NAALADL2: variants seen among roughly 807,000 people sequenced by gnomAD.
NAALADL2 encodes inactive N-acetylated-alpha-linked acidic dipeptidase-like protein 2.
NAALADL2 carries 76 observed loss-of-function variants against 87.2 expected under a neutral mutation model. That is an observed-to-expected ratio of 0.87 (90% CI 0.72 to 1.05). NAALADL2 has a LOEUF of 1.05. Ranked by LOEUF, NAALADL2 falls within the 50% of genes least tolerant of loss-of-function variation. The pLI is 0.00. For missense variants in NAALADL2, 1,089 were observed against 945.8 expected (o/e 1.15, Z -1.99); for synonymous variants, 354 against 331.0 (o/e 1.07, Z -0.75).
chr3:175,722,989 G>T (rs1175969708), intron 11 of NAALADL2, among the ~76,000 whole-genome samples: 1 of 152,100 alleles, frequency 6.6e-6, no homozygotes, highest in Non-Finnish European at 1.5e-5. Flanking sequence ...ACAAACTTTG[G>T]AGAACAAAGG....
intron 2 of NAALADL2, among the ~76,000 whole-genome samples, chr3:174,576,192 TG>T (rs1315610080): frequency 6.6e-6 from 1 of 152,128 alleles, no homozygotes; most frequent in Non-Finnish European, 1.5e-5. Flanking sequence ...AAAATAGATA[TG>T]GTTCCTAAAC....
At chr3:174,741,544 T>G (rs1301270384) in intron 3 of NAALADL2, among the ~76,000 whole-genome samples, 3 of 151,740 alleles carry the variant, frequency 2.0e-5, no homozygotes, top group Non-Finnish European at 3.0e-5. Context: ...TTTAAGAATC[T>G]TCTGTCCCTC....
At chr3:174,917,298 C>A (rs1734546585) in intron 1 of NAALADL2, among the ~76,000 whole-genome samples, 1 of 152,050 alleles carries the variant, frequency 6.6e-6, no homozygotes, top group Non-Finnish European at 1.5e-5. Flanking sequence ...TGAAACAATT[C>A]AAAGACAGCA....
chr3:174,542,080 A>G (rs1244170443), intron 1 of NAALADL2, among the ~76,000 whole-genome samples: 1 of 152,172 alleles, frequency 6.6e-6, no homozygotes, highest in African/African-American at 2.4e-5. Context: ...TTCTCTAGAA[A>G]AGAAACAGCA....
intron 13 of NAALADL2, among the ~76,000 whole-genome samples, chr3:175,781,044 A>T (rs1445321528): frequency 6.6e-6 from 1 of 152,182 alleles, no homozygotes; most frequent in Non-Finnish European, 1.5e-5. Context: ...TTTACTTTGA[A>T]ATGTGTAATT....
chr3:175,265,074 A>C (rs1751696598), intron 4 of NAALADL2, among the ~76,000 whole-genome samples: 1 of 151,648 alleles, frequency 6.6e-6, no homozygotes, highest in Non-Finnish European at 1.5e-5. Flanking sequence ...ATCATATGGA[A>C]AGATTTTATC....
chr3:175,540,078 C>T (rs573362268), intron 9 of NAALADL2, among the ~76,000 whole-genome samples: 5 of 152,208 alleles, frequency 3.3e-5, no homozygotes, highest in Non-Finnish European at 7.4e-5. Flanking sequence ...TACGTGTTCC[C>T]GTAATTTTTG....
At chr3:174,615,266 T>C (rs1382824592) in intron 2 of NAALADL2, among the ~76,000 whole-genome samples, 1 of 152,214 alleles carries the variant, frequency 6.6e-6, no homozygotes, top group Non-Finnish European at 1.5e-5. Context: ...GAACTGGATC[T>C]GATCTATCCT....
At chr3:175,667,853 A>G (rs1218040311) in intron 11 of NAALADL2, among the ~76,000 whole-genome samples, 2 of 150,830 alleles carry the variant, frequency 1.3e-5, no homozygotes, top group African/African-American at 2.4e-5. Context: ...GTCTGTTTGA[A>G]TTGTTCTGTT....
At position 175,807,093 on chromosome 3, in the gene NAALADL2, TATC is replaced by T. The variant is rs1300352884; in HGVS notation, c.*3893_*3895del. On this transcript the variant is annotated 3_prime_UTR_variant, in exon 14 of 14. Coordinates refer to ENST00000454872, the MANE Select transcript of NAALADL2 (RefSeq NM_207015.3). The stretch of plus-strand genomic sequence containing the variant: ...AAAAGGCAAGTGCACCATTGTGGAA[TATC>T]ATGACGAGTAGGCTTACAAACAGTA... 4.0e-5 allele frequency: 6 copies of T among 151,802 alleles called. No homozygotes were observed. The South Asian group carries it at 8.3e-4, about 21-fold the overall frequency. 9.4% of individuals were successfully genotyped at this position (151,802 alleles called of 1,614,324 possible). A position where few individuals can be genotyped will look rare whatever the true frequency, so the allele number is the denominator to read the frequency against.
chr3:175,263,570 G>A (rs1020306846), intron 4 of NAALADL2, among the ~76,000 whole-genome samples: 1 of 151,750 alleles, frequency 6.6e-6, no homozygotes, highest in Non-Finnish European at 1.5e-5. Flanking sequence ...TGTATCAGAA[G>A]GTTGATTTTC....
chr3:175,147,332 C>T (rs1461259206), intron 2 of NAALADL2, among the ~76,000 whole-genome samples: 1 of 152,118 alleles, frequency 6.6e-6, no homozygotes, highest in African/African-American at 2.4e-5. Flanking sequence ...TAAGTGAGAA[C>T]ATGCCGTATT....
chr3:175,059,032 T>C (rs1011294588), intron 1 of NAALADL2, among the ~76,000 whole-genome samples: 12 of 152,198 alleles, frequency 7.9e-5, no homozygotes, highest in African/African-American at 2.9e-4. Flanking sequence ...ATGGGTTTCT[T>C]CTGGTGGTGT....
intron 1 of NAALADL2, among the ~76,000 whole-genome samples, chr3:174,925,736 G>C (rs777563469): frequency 5.3e-5 from 8 of 151,930 alleles, no homozygotes; most frequent in African/African-American, 1.2e-4. Context: ...TGTTTGTGTC[G>C]TCTTTTATTT....
At chr3:175,117,962 G>A (rs1027051215) in intron 2 of NAALADL2, among the ~76,000 whole-genome samples, 2 of 152,018 alleles carry the variant, frequency 1.3e-5, no homozygotes, top group African/African-American at 4.8e-5. Context: ...CATGTCCTTT[G>A]TAGGGACATG....
At chr3:174,997,438 C>T (rs1747649308) in intron 1 of NAALADL2, among the ~76,000 whole-genome samples, 1 of 151,908 alleles carries the variant, frequency 6.6e-6, no homozygotes, top group Non-Finnish European at 1.5e-5. Flanking sequence ...GCTGTAATGG[C>T]AGACAGGTAA....
chr3:174,468,414 A>T (rs1260675658), intron 1 of NAALADL2, among the ~76,000 whole-genome samples: 5 of 133,766 alleles, frequency 3.7e-5, no homozygotes, highest in African/African-American at 1.4e-4. Flanking sequence ...ACAGAGTCTC[A>T]CTCTTGCCCA....
chr3:175,674,520 T>A (rs989638046), intron 11 of NAALADL2, among the ~76,000 whole-genome samples: 27 of 152,126 alleles, frequency 1.8e-4, no homozygotes, highest in African/African-American at 6.5e-4. Flanking sequence ...TGCCTCGGCC[T>A]CCCAAATTGC....
chr3:174,463,274 C>A (rs1716320901), intron 1 of NAALADL2, among the ~76,000 whole-genome samples: 1 of 152,078 alleles, frequency 6.6e-6, no homozygotes, highest in Non-Finnish European at 1.5e-5. Context: ...ATACTTTTGT[C>A]CTGCTATGTA....
Sources: allele counts gnomAD v4.1 joint callset (sites outside exome capture counted in the v4.1 genomes callset), GRCh38; gene constraint gnomAD v4.1.1; transcripts MANE v1.5; gene names NCBI Gene and HGNC (gene_info 2026-07-23, HGNC 2026-07-21).